The following SP140L variants were observed in gnomAD, a reference collection of about 807,000 sequenced individuals.
The protein encoded by SP140L is nuclear body protein SP140-like protein.
In SP140L, 64 loss-of-function variants were observed where a neutral mutation model predicts 84.3. The ratio of observed to expected loss-of-function variants is 0.76; its 90% CI spans 0.62 to 0.94. The LOEUF (loss-of-function observed/expected upper bound fraction) is 0.94, where lower values mean the gene tolerates loss of function less well. Ranked by LOEUF, SP140L falls within the 40% of genes least tolerant of loss-of-function variation. SP140L has a pLI of 0.00. For synonymous variants in SP140L, 242 were observed against 236.9 expected (o/e 1.02, Z -0.20); for missense variants, 628 against 692.5 (o/e 0.91, Z 1.05).
chr2:230,370,839 A>G (rs2149764497), intron 5 of SP140L, 69 bp from the exon 6 acceptor site: 4 of 1,496,602 alleles, frequency 2.7e-6, no homozygotes, highest in South Asian at 2.3e-5. Context: ...ATAAATCACA[A>G]TTTTGCCCCG....
At chr2:230,370,418 G>A (rs1281227143) in intron 5 of SP140L, among the ~76,000 whole-genome samples, 1 of 152,106 alleles carries the variant, frequency 6.6e-6, no homozygotes, top group Non-Finnish European at 1.5e-5. Context: ...ACCCCAGAAA[G>A]GAATAAAGGC....
intron 1 of SP140L, among the ~76,000 whole-genome samples, chr2:230,327,914 GC>G (rs2059623171): frequency 6.6e-6 from 1 of 152,178 alleles, no homozygotes; most frequent in Admixed American, 6.5e-5. Context: ...GAAGAAAAAG[GC>G]CCAGGATGGC....
intron 4 of SP140L, among the ~76,000 whole-genome samples, chr2:230,359,991 G>GGTGCTATACC (rs1274167276): frequency 6.6e-6 from 1 of 151,880 alleles, no homozygotes; most frequent in Admixed American, 6.5e-5. Flanking sequence ...CTAAAGTTTT[G>GGTGCTATACC]ATTCTTGACT....
intron 5 of SP140L, among the ~76,000 whole-genome samples, chr2:230,369,266 T>A (rs1272329224): frequency 6.6e-6 from 1 of 152,078 alleles, no homozygotes; most frequent in African/African-American, 2.4e-5. Context: ...GGTGCAGCCA[T>A]CTTCAGGCAC....
At chr2:230,387,397 A>G (rs6745413) in intron 9 of SP140L, among the ~76,000 whole-genome samples, 66,507 of 151,938 alleles carry the variant, frequency 0.44, 14,856 homozygotes, top group South Asian at 0.53. Context: ...TCCTTGGGCC[A>G]TTTGGGTCTT....
chr2:230,354,519 A>G (rs1417677653), intron 2 of SP140L, among the ~76,000 whole-genome samples: 1 of 152,106 alleles, frequency 6.6e-6, no homozygotes, highest in African/African-American at 2.4e-5. Context: ...TGTGATCCCA[A>G]TTCTTTGGGA....
intron 2 of SP140L, among the ~76,000 whole-genome samples, chr2:230,335,970 G>A (rs907026040): frequency 4.6e-5 from 7 of 152,194 alleles, no homozygotes; most frequent in African/African-American, 1.2e-4. Context: ...GATTGTGAGT[G>A]TGCTCAAAAG....
chr2:230,333,404 C>A (rs529358534), intron 2 of SP140L, among the ~76,000 whole-genome samples: 1 of 152,134 alleles, frequency 6.6e-6, no homozygotes, highest in South Asian at 2.1e-4. Context: ...ATGATCCACT[C>A]GCTTCGGCCT....
chr2:230,328,975 G>GT, intron 2 of SP140L, 144 bp downstream of exon 2: 2 of 1,311,106 alleles, frequency 1.5e-6, no homozygotes, highest in Non-Finnish European at 2.0e-6. Context: ...CAGTTGAGGT[G>GT]TTTGTCTTTT....
chr2:230,361,673 G>T lies in SP140L; in HGVS notation c.499G>T (p.Asp167Tyr), dbSNP rs1381203889. 7 of 1,561,534 alleles carry T rather than the reference G, an allele frequency of 4.5e-6. No homozygotes were observed. The highest frequency in any genetic ancestry group is 6.1e-6 in the Non-Finnish European group (7 of 1,151,862). The change falls in exon 5 of 19, where the codon GAC becomes TAC. Residue 167 changes from aspartate to tyrosine, a missense_variant. Transcript: ENST00000415673. ...SDRKEREERPDIKLSLKQGEV... is the reference protein window; with the variant it reads ...SDRKEREERPYIKLSLKQGEV... Reference sequence around the variant, plus strand: ...TCGAAAAGAAAGGGAAGAGAGGCCTGACATCAAACTAAGTCTTAAACAAGG... The same window carrying T: ...TCGAAAAGAAAGGGAAGAGAGGCCTTACATCAAACTAAGTCTTAAACAAGG...
At chr2:230,335,756 G>A (rs894212526) in intron 2 of SP140L, among the ~76,000 whole-genome samples, 5 of 152,186 alleles carry the variant, frequency 3.3e-5, no homozygotes, top group Admixed American at 6.5e-5. Flanking sequence ...GAGGGACGGT[G>A]TGAAGTCCAG....
intron 2 of SP140L, among the ~76,000 whole-genome samples, chr2:230,333,612 A>T (rs959414193): frequency 1.3e-5 from 2 of 152,066 alleles, no homozygotes; most frequent in African/African-American, 4.8e-5. Flanking sequence ...TTTCAAATGG[A>T]GACCAATTTA....
chr2:230,399,987 A>AT, intron 14 of SP140L, 140 bp from the exon 15 acceptor site: 1 of 756,660 alleles, frequency 1.3e-6, no homozygotes, highest in East Asian at 2.7e-5. Context: ...TCCATGCCAT[A>AT]TTTTTCCTTC....
chr2:230,366,729 T>TATTATG (rs2060886545), intron 5 of SP140L, among the ~76,000 whole-genome samples: 3 of 148,070 alleles, frequency 2.0e-5, no homozygotes, highest in Non-Finnish European at 4.5e-5. Context: ...TTATTATTAT[T>TATTATG]ATTATTATTA....
chr2:230,380,399 A>G (rs1341781106), intron 7 of SP140L, among the ~76,000 whole-genome samples: 2 of 152,174 alleles, frequency 1.3e-5, no homozygotes, highest in African/African-American at 4.8e-5. Flanking sequence ...TTATCCGCTC[A>G]ATAACTCATG....
intron 2 of SP140L, among the ~76,000 whole-genome samples, chr2:230,353,261 A>G (rs568461648): frequency 1.8e-4 from 27 of 152,028 alleles, no homozygotes; most frequent in Non-Finnish European, 3.2e-4. Context: ...AAATCTTAAG[A>G]AATTTATTTT....
chr2:230,374,959 T>G (rs1218565437), intron 7 of SP140L, among the ~76,000 whole-genome samples: 2 of 152,236 alleles, frequency 1.3e-5, no homozygotes, highest in Non-Finnish European at 2.9e-5. Context: ...GCAATATTTC[T>G]AAGATATACC....
At position 230,359,005 on chromosome 2, in the gene SP140L, A is replaced by T; in HGVS notation, c.312A>T (p.Arg104Ser). Residue 104 changes from arginine to serine, a missense_variant, in exon 4 of 19, where the codon AGA (arginine) becomes AGT (serine). Coordinates refer to ENST00000415673, the MANE Select transcript of SP140L (RefSeq NM_138402.6). ...DSCRNLVPVQ[R>S]VVYNVLSELE... Reference sequence around the variant, plus strand: ...GTAGAAACCTGGTCCCTGTACAAAGAGTGGTGTACAATGTTCTCAGTGAAC... The same window carrying T: ...GTAGAAACCTGGTCCCTGTACAAAGTGTGGTGTACAATGTTCTCAGTGAAC... The T allele has an allele frequency of 6.2e-7, 1 of 1,610,552 alleles. No individual in the cohort carries two copies. Among genetic ancestry groups the T allele is most frequent in the South Asian group, 1.1e-5 (1 of 90,378 alleles).
intron 14 of SP140L, among the ~76,000 whole-genome samples, chr2:230,397,967 A>G (rs534005590): frequency 1.7e-4 from 26 of 152,308 alleles, no homozygotes; most frequent in Admixed American, 4.6e-4. Context: ...CACCCCTATT[A>G]ATAATTTTTC....
Sources: gnomAD v4.1 joint callset for allele counts (sites outside exome capture counted in the v4.1 genomes callset) on GRCh38, gnomAD v4.1.1 for gene constraint, MANE v1.5 for transcripts, NCBI Gene and HGNC (gene_info 2026-07-23, HGNC 2026-07-21) for gene names.